The following SORBS2 variants were observed in gnomAD, a reference collection of about 807,000 sequenced individuals.
SORBS2 encodes sorbin and SH3 domain containing 2.
SORBS2 carries 46 observed loss-of-function variants against 97.7 expected under a neutral mutation model. That is an observed-to-expected ratio of 0.47 (90% CI 0.37 to 0.60). SORBS2 has a LOEUF of 0.60. SORBS2 is among the 20% of genes least tolerant of loss of function. SORBS2 has a pLI of 0.00. For synonymous variants in SORBS2, 476 were observed against 473.4 expected (o/e 1.01, Z -0.07); for missense variants, 1,316 against 1,282.3 (o/e 1.03, Z -0.40).
chr4:185,883,319 G>A (rs1194100898), intron 1 of SORBS2, among the ~76,000 whole-genome samples: 1 of 152,114 alleles, frequency 6.6e-6, no homozygotes, highest in African/African-American at 2.4e-5. Context: ...AAGTCATTAG[G>A]AAAATATGAA....
chr4:185,857,381 G>A (rs564390657), intron 1 of SORBS2, among the ~76,000 whole-genome samples: 9 of 152,228 alleles, frequency 5.9e-5, no homozygotes, highest in South Asian at 2.1e-4. Context: ...ATCTTCGTAA[G>A]CTGAGGATGT....
At chr4:185,799,418 A>G (rs752769418) in intron 1 of SORBS2, among the ~76,000 whole-genome samples, 1 of 152,212 alleles carries the variant, frequency 6.6e-6, no homozygotes, top group Non-Finnish European at 1.5e-5. Context: ...TTTCTAACAA[A>G]TACTATGTAA....
rs60130240 is a variant in SORBS2, at chr4:185,887,960, A to ATG, written c.-338+68234_-338+68235dup. ...ATGGATTCTCACATAGTATATATAT[A>ATG]TGTGTGTGTGTGTGTGTGTGTGTGT... On this transcript the variant is annotated intron_variant, in intron 1 of 20. Coordinates refer to the SORBS2 transcript ENST00000284776. Among the ~76,000 whole-genome samples the ATG allele has an allele frequency of 6.9e-3, 264 of 38,490 alleles. 1 individual carries two copies. The highest frequency in any genetic ancestry group is 0.046 in the South Asian group (59 of 1,290). 25.3% of individuals were successfully genotyped at this position (38,490 alleles called of 152,430 possible).
rs56305535 is a variant in SORBS2, at chr4:185,588,062, G to A, written c.2954-374C>T. 404 of 199,916 alleles carry A rather than the reference G, an allele frequency of 2.0e-3. 5 individuals carry two copies. Among genetic ancestry groups the A allele is most frequent in the Middle Eastern group, 0.013 (6 of 468 alleles). 12.4% of individuals were successfully genotyped at this position (199,916 alleles called of 1,614,324 possible). ...AGGCGAGGCTGACAGGTGACAGGGT[G>A]AGTGGAAAATCCTAAGAGCAAAGCT... On this transcript the variant is annotated intron_variant, in intron 14 of 14. Transcript: ENST00000418609.
intron 2 of SORBS2, among the ~76,000 whole-genome samples, chr4:185,743,781 CCTT>C (rs930676281): frequency 4.0e-5 from 6 of 150,860 alleles, no homozygotes; most frequent in Admixed American, 1.3e-4. Context: ...TCTTTCTTCT[CCTT>C]CTTCTTCTTA....
chr4:185,882,107 A>G (rs2099237204), intron 1 of SORBS2, among the ~76,000 whole-genome samples: 1 of 152,182 alleles, frequency 6.6e-6, no homozygotes, highest in Non-Finnish European at 1.5e-5. Context: ...TTTGAAAATT[A>G]AACTGATGAA....
chr4:185,677,100 T>C, intron 4 of SORBS2: 3 of 1,551,618 alleles, frequency 1.9e-6, no homozygotes, highest in African/African-American at 1.4e-5. Context: ...AGGTAGCTGT[T>C]TGTGGCTTTC....
At chr4:185,603,122 C>T (rs747290115) in intron 12 of SORBS2, among the ~76,000 whole-genome samples, 1 of 152,128 alleles carries the variant, frequency 6.6e-6, no homozygotes, top group African/African-American at 2.4e-5. Context: ...GAAGAGTAAA[C>T]CTTTTTAAAT....
chr4:185,618,744 TA>T, intron 8 of SORBS2, 113 bp from the exon 21 acceptor site: 1 of 547,898 alleles, frequency 1.8e-6, no homozygotes, highest in Non-Finnish European at 3.3e-6. Flanking sequence ...CAAACATATG[TA>T]ATGTTAATCC....
intron 1 of SORBS2, among the ~76,000 whole-genome samples, chr4:185,849,842 A>G (rs1161815326): frequency 2.6e-5 from 4 of 152,338 alleles, no homozygotes; most frequent in South Asian, 2.1e-4. Context: ...CTTAATTTCT[A>G]TTGAGTCTAA....
rs752193024 is a variant in SORBS2 at position 185,623,817 on chromosome 4, C to T, written c.1312G>A (p.Val438Ile). The T allele has an allele frequency of 6.8e-6, 11 of 1,613,960 alleles. No individual in the cohort carries two copies. Among genetic ancestry groups the T allele is most frequent in the East Asian group, 2.2e-5 (1 of 44,868 alleles). ...CCATTTTGCGGTGGTTCTAGGGTTA[C>T]GGGAGACAGCATGTCATCCCCTAAA... Residue 438 changes from valine to isoleucine, a missense_variant, in exon 7 of 15, where the codon GTA (valine) becomes ATA (isoleucine). By Grantham distance (29) the Val-to-Ile change is conservative. Coordinates refer to ENST00000418609, the Ensembl canonical transcript of SORBS2. The surrounding 1 kb of genome is among the most constrained non-coding windows in gnomAD (Gnocchi z 6.4).
At chr4:185,923,073 C>T (rs1400675060) in intron 1 of SORBS2, among the ~76,000 whole-genome samples, 1 of 152,106 alleles carries the variant, frequency 6.6e-6, no homozygotes, top group African/African-American at 2.4e-5. Flanking sequence ...GGCTAAGTGT[C>T]AGTGAGGTTA....
chr4:185,670,750 C>T (rs1411681680), intron 4 of SORBS2, among the ~76,000 whole-genome samples: 1 of 152,102 alleles, frequency 6.6e-6, no homozygotes, highest in Admixed American at 6.5e-5. Flanking sequence ...AATGTGCCCC[C>T]TCTTTTCATG....
At chr4:185,781,654 G>A (rs4270614) in intron 1 of SORBS2, among the ~76,000 whole-genome samples, 5 of 41,384 alleles carry the variant, frequency 1.2e-4, no homozygotes, top group South Asian at 5.4e-4. Context: ...CCTCTCCAGC[G>A]TCCCTTCCAT....
intron 2 of SORBS2, among the ~76,000 whole-genome samples, chr4:185,715,405 A>G (rs754983182): frequency 6.6e-6 from 1 of 152,174 alleles, no homozygotes; most frequent in Non-Finnish European, 1.5e-5. Flanking sequence ...AGCCCTATGA[A>G]AAGGCCAAAG....
chr4:185,716,761 G>A (rs2098468649), intron 2 of SORBS2, among the ~76,000 whole-genome samples: 1 of 152,170 alleles, frequency 6.6e-6, no homozygotes, highest in Non-Finnish European at 1.5e-5. Flanking sequence ...TTGAGTGGGA[G>A]CCAGTTCTGC....
chr4:185,871,123 A>G (rs2099230198), intron 1 of SORBS2, among the ~76,000 whole-genome samples: 1 of 152,246 alleles, frequency 6.6e-6, no homozygotes. Context: ...AACAATGTTT[A>G]TGTCTCGTCT....
At chr4:185,952,044 T>TGATAGAG (rs755636554) in intron 1 of SORBS2, among the ~76,000 whole-genome samples, 23,203 of 148,196 alleles carry the variant, frequency 0.16, 2,179 homozygotes, top group Middle Eastern at 0.25. Context: ...TTTTTTTTTT[T>TGATAGAG]TGATAGAGTC....
intron 1 of SORBS2, among the ~76,000 whole-genome samples, chr4:185,786,185 A>G (rs1032321388): frequency 6.6e-6 from 1 of 152,176 alleles, no homozygotes; most frequent in African/African-American, 2.4e-5. Flanking sequence ...ACAAGAATAC[A>G]TGGGACTGTC....
Sources: allele counts gnomAD v4.1 joint callset (sites outside exome capture counted in the v4.1 genomes callset), GRCh38; gene constraint gnomAD v4.1.1; non-coding constraint Gnocchi (gnomAD v3.1); transcripts MANE v1.5; gene names NCBI Gene and HGNC (gene_info 2026-07-23, HGNC 2026-07-21).